Variants in ATR observed in about 807,000 individuals in gnomAD.
ATR encodes the protein serine/threonine-protein kinase ATR.
Under a neutral mutation model 305.3 loss-of-function variants are expected in ATR, and 142 were observed. That is an observed-to-expected ratio of 0.47 (90% CI 0.41 to 0.53). ATR has a LOEUF of 0.53. Ranked by LOEUF, ATR falls within the 20% of genes least tolerant of loss-of-function variation. The probability of loss-of-function intolerance (pLI) is 0.00; values close to 1 mark genes in which losing one functional copy is unlikely to be tolerated. For synonymous variants in ATR, 1,050 were observed against 1,068.1 expected, an observed-to-expected ratio of 0.98 and a Z score of 0.33; for missense variants, 2,135 against 3,133.1, an observed-to-expected ratio of 0.68 and a Z score of 7.60.
rs557391433 is a variant in ATR at position 142,498,021 on chromosome 3, C to A, written c.5558+576G>T. On this transcript the variant is annotated intron_variant, in intron 32 of 46. Transcript: ENST00000350721. ...AATCTCTAGTTTCATTAAGATATCA[C>A]CAAACGGGTTGATACTAAATATAAT... Among the ~76,000 whole-genome samples the A allele has an allele frequency of 1.8e-3, 280 of 152,172 alleles. 1 individual carries two copies. The highest frequency in any genetic ancestry group is 6.2e-3 in the African/African-American group (256 of 41,516).
At chr3:142,476,119 T>C (rs2071438003) in intron 36 of ATR, among the ~76,000 whole-genome samples, 1 of 152,252 alleles carries the variant, frequency 6.6e-6, no homozygotes, top group South Asian at 2.1e-4. Context: ...TTTGTCAATT[T>C]TGGCTTTTGT....
chr3:142,558,711 AAATCCATGGAAGTGAGAGC>A lies in ATR; in HGVS notation c.1779_1797del (p.Met593IlefsTer10). The A allele has an allele frequency of 1.2e-6, 2 of 1,612,666 alleles. No individual in the cohort carries two copies. The highest frequency in any genetic ancestry group is 1.7e-6 in the Non-Finnish European group (2 of 1,178,944). ...AAACAGCCATCATCAGAATGGGAAT[AAATCCATGGAAGTGAGAGC>A]ATACCACATAAATCTTCCAGGATAT... On this transcript the variant is annotated frameshift_variant, in exon 8 of 47. Transcript: ENST00000350721. LOFTEE classifies it high-confidence loss of function.
chr3:142,470,297 C>T (rs950722246), intron 36 of ATR, 114 bp from the exon 37 acceptor site: 8 of 895,690 alleles, frequency 8.9e-6, no homozygotes, highest in African/African-American at 5.0e-5. Context: ...ATTATGGTAT[C>T]AATATTTCTT....
Position 142,467,988 on chromosome 3 carries a change from A to T in ATR, c.6633T>A (p.Phe2211Leu). ...CTGTTAGGCGAGTTGCATCTCCAAC[A>T]AACTTCTCTAAGGATTTTTTCATAT... ...AIHMKKSLEK[F>L]VGDATRLTDK... Residue 2211 changes from phenylalanine to leucine, a missense_variant, in exon 39 of 47, where the codon TTT becomes TTA. Phe to Leu is a conservative substitution (Grantham distance 22, BLOSUM62 0). Coordinates refer to ENST00000350721, the MANE Select transcript of ATR (RefSeq NM_001184.4). The T allele has an allele frequency of 6.2e-7, 1 of 1,613,146 alleles. No individual in the cohort carries two copies. The highest frequency in any genetic ancestry group is 8.5e-7 in the Non-Finnish European group (1 of 1,179,506).
rs914611293 is a variant in ATR, at chr3:142,538,484, G to C, written c.3723C>G (p.Asn1241Lys). 3.7e-6 allele frequency: 6 copies of C among 1,611,790 alleles called. No homozygotes were observed. Among genetic ancestry groups the C allele is most frequent in the Non-Finnish European group, 5.1e-6 (6 of 1,178,260 alleles). ...AAIFHYLIIE[N>K]RDAVQDFLHE... ...ACTATTAATTTCAGTTACAATACCT[G>C]TTTTCAATTATGAGGTAGTGGAAGA... The change falls in exon 19 of 47, where the codon AAC becomes AAG. Residue 1241 changes from asparagine (N) to lysine (K), a missense_variant and splice_region_variant. Around this residue, in one of 9 missense-constraint regions of ATR, gnomAD observed 530 missense variants for 766.8 expected, o/e 0.69. Transcript: ENST00000350721.
chr3:142,528,602 G>GC (rs140162223), intron 21 of ATR, among the ~76,000 whole-genome samples: 2,707 of 151,736 alleles, frequency 0.018, 29 homozygotes, highest in South Asian at 0.041. Flanking sequence ...TACGTATCTT[G>GC]CATGTGGTAG....
rs145604385 is a variant in ATR, at chr3:142,556,309, C to A, written c.2078+74G>T. ...TTTACATATTCAACAATAAACACAA[C>A]CCTGCATACATAGCCAGACAATTAT... On this transcript the variant is annotated intron_variant, in intron 9 of 46. Coordinates refer to ENST00000350721, the MANE Select transcript of ATR (RefSeq NM_001184.4). 12 of 1,533,056 alleles carry A rather than the reference C, an allele frequency of 7.8e-6. No homozygotes were observed. The African/African-American group carries it at 1.1e-4, about 14-fold the overall frequency. The allele number at this position is 1,533,056 out of a possible 1,614,324, so 95.0% of individuals were successfully genotyped here. A position where few individuals can be genotyped will look rare whatever the true frequency, so the allele number is the denominator to read the frequency against.
At chr3:142,455,951 C>T (rs1309113030) in intron 45 of ATR, among the ~76,000 whole-genome samples, 2 of 152,308 alleles carry the variant, frequency 1.3e-5, no homozygotes, top group East Asian at 3.9e-4. Flanking sequence ...AGTGAAGAGA[C>T]AACCCACAGA....
At position 142,547,790 on chromosome 3, in the gene ATR, C is replaced by A. The variant is rs1445932301; in HGVS notation, c.3292G>T (p.Ala1098Ser). ...QQVFNGLSIL[A>S]SFASSDDPYQ... Reference sequence around the variant, plus strand: ...GGATCATCACTGGATGCAAATGAGGCAAGTATTGACAAACCATTAAAAACC... The same window carrying A: ...GGATCATCACTGGATGCAAATGAGGAAAGTATTGACAAACCATTAAAAACC... Residue 1098 changes from alanine (A) to serine (S), a missense_variant, in exon 16 of 47, where the codon GCC (alanine) becomes TCC (serine). Physicochemically the swap from Ala to Ser is moderately conservative, Grantham distance 99 (BLOSUM62 1). Around this residue, in one of 9 missense-constraint regions of ATR, gnomAD observed 530 missense variants for 766.8 expected, o/e 0.69. Transcript: ENST00000350721. 1.7e-5 allele frequency: 27 copies of A among 1,613,832 alleles called. No homozygotes were observed. Among genetic ancestry groups the A allele is most frequent in the African/African-American group, 2.7e-5 (2 of 74,906 alleles).
At chr3:142,464,766 A>C (rs1027902685) in intron 41 of ATR, among the ~76,000 whole-genome samples, 44 of 152,210 alleles carry the variant, frequency 2.9e-4, no homozygotes, top group Admixed American at 2.3e-3. Flanking sequence ...ATTTGGGAAG[A>C]TGAAAAAAGT....
intron 8 of ATR, among the ~76,000 whole-genome samples, chr3:142,557,265 CT>C (rs2034707129): frequency 1.3e-5 from 2 of 151,880 alleles, no homozygotes; most frequent in South Asian, 4.2e-4. Context: ...GTGGAGCATA[CT>C]TTTCAAACAG....
intron 40 of ATR, 200 bp from the exon 41 acceptor site, chr3:142,465,440 TC>T (rs1298539606): frequency 5.7e-6 from 2 of 350,892 alleles, no homozygotes; most frequent in African/African-American, 2.1e-5. Context: ...AGAAACATTT[TC>T]ACCCATTAAA....
At chr3:142,495,621 G>A (rs61199740) in intron 34 of ATR, among the ~76,000 whole-genome samples, 7 of 152,168 alleles carry the variant, frequency 4.6e-5, no homozygotes, top group African/African-American at 1.2e-4. Flanking sequence ...GCACACACCC[G>A]TAGTCCCAGC....
At position 142,485,208 on chromosome 3, in the gene ATR, G is replaced by A. The variant is rs572825540; in HGVS notation, c.6153C>T (p.Pro2051=). 45 of 1,613,958 alleles carry A rather than the reference G, an allele frequency of 2.8e-5. No homozygotes were observed. The highest frequency in any genetic ancestry group is 3.6e-5 in the Non-Finnish European group (43 of 1,180,000). The stretch of plus-strand genomic sequence containing the variant: ...TTTCCATTTTGTTGTCTGTGACCAT[G>A]GGCATCAATTTGTCATAGTACTTGG... ...YLAKYYDKLM[P]MVTDNKMEKQ... Residue 2051 remains proline (P), a synonymous_variant, in exon 36 of 47, where the codon CCC becomes CCT. Transcript: ENST00000350721.
intron 24 of ATR, among the ~76,000 whole-genome samples, chr3:142,518,412 G>A (rs2033000513): frequency 2.6e-5 from 4 of 152,188 alleles, no homozygotes; most frequent in Admixed American, 2.6e-4. Flanking sequence ...AGCTACTTGG[G>A]AGACTGAGGC....
chr3:142,477,084 A>C (rs1559920456), intron 36 of ATR, among the ~76,000 whole-genome samples: 1 of 152,088 alleles, frequency 6.6e-6, no homozygotes, highest in East Asian at 1.9e-4. Flanking sequence ...AATGCCCTTT[A>C]TTTCTTTCTC....
rs2108438374 is a variant in ATR at position 142,541,032 on chromosome 3, G to T, written c.3453C>A (p.Ala1151=). The change falls in exon 18 of 47, where the codon GCC becomes GCA. Residue 1151 remains alanine, a splice_region_variant and synonymous_variant. Transcript: ENST00000350721. ...SSVGIEDKKM[A]LNSLMSLMKL... is the part of the protein sequence containing the mutation. ...TCATCAAAGACATCAAACTGTTCAAGGCCTATAGAGTTAAGTAGTGCTTCA... is the reference window on the plus strand; with the variant it reads ...TCATCAAAGACATCAAACTGTTCAATGCCTATAGAGTTAAGTAGTGCTTCA... The T allele has an allele frequency of 1.2e-6, 2 of 1,613,494 alleles. No homozygotes were observed. Among genetic ancestry groups the T allele is most frequent in the Middle Eastern group, 1.7e-4 (1 of 6,056 alleles).
Position 142,469,232 on chromosome 3 carries a change from G to C in ATR, c.6552+105C>G, listed in dbSNP as rs1053533536. On this transcript the variant is annotated intron_variant, in intron 38 of 46. Transcript: ENST00000350721. ...TATTTAAAATTACTAATCTAATACA[G>C]GAGAGACGCCCTGGAACTTGTATCT... 3 of 858,864 alleles carry C rather than the reference G, an allele frequency of 3.5e-6. No homozygotes were observed. The African/African-American group carries it at 5.2e-5, about 15-fold the overall frequency. The allele number at this position is 858,864 out of a possible 1,614,324, so 53.2% of individuals were successfully genotyped here.
intron 46 of ATR, chr3:142,450,703 A>G (rs907524560): frequency 6.3e-7 from 1 of 1,585,910 alleles, no homozygotes; most frequent in African/African-American, 1.3e-5. Flanking sequence ...TGCAACAAAA[A>G]CACATTACAT....
Sources: gnomAD v4.1 joint callset for allele counts (sites outside exome capture counted in the v4.1 genomes callset) on GRCh38, gnomAD v4.1.1 for gene constraint, gnomAD v4.1.1 regional missense constraint, MANE v1.5 for transcripts, NCBI Gene and HGNC (gene_info 2026-07-23, HGNC 2026-07-21) for gene names.